The following DPF3 variants were observed in gnomAD, a reference collection of about 807,000 sequenced individuals.
The protein encoded by DPF3 is double PHD fingers 3.
In DPF3, 18 loss-of-function variants were observed where a neutral mutation model predicts 56.8. The observed-to-expected ratio is 0.32, with a 90% CI of 0.22 to 0.47. The LOEUF (loss-of-function observed/expected upper bound fraction) is 0.47. DPF3 is among the 20% of genes least tolerant of loss of function. DPF3 has a pLI of 1.00. For synonymous variants in DPF3, 188 were observed against 180.2 expected (o/e 1.04, Z -0.35); for missense variants, 403 against 488.8 (o/e 0.82, Z 1.65).
intron 1 of DPF3, among the ~76,000 whole-genome samples, chr14:72,802,476 G>A (rs953306937): frequency 6.6e-5 from 10 of 152,174 alleles, no homozygotes; most frequent in Non-Finnish European, 1.5e-4. Flanking sequence ...GCATGCTCTT[G>A]AGAGTCACAT....
In DPF3 at chr14:72,884,682, A is replaced by T. The variant is rs573539327; in HGVS notation, c.32+9375T>A. On this transcript the variant is annotated intron_variant, in intron 1 of 10. Coordinates refer to ENST00000556509, the MANE Select transcript of DPF3 (RefSeq NM_001280542.3). ...CCCACCTCCTGTTGTCAGACATCAC[A>T]TCTCCATCCACCTAGGAAGCCTTCA... Among the ~76,000 whole-genome samples the T allele has an allele frequency of 4.6e-5, 7 of 151,414 alleles. No individual in the cohort carries two copies. The East Asian group carries it at 1.4e-3, about 30-fold the overall frequency.
At chr14:72,810,920 C>A (rs771989986) in intron 1 of DPF3, among the ~76,000 whole-genome samples, 1 of 152,172 alleles carries the variant, frequency 6.6e-6, no homozygotes, top group East Asian at 1.9e-4. Context: ...TAAAGGAATG[C>A]CTAAGACTTG....
At chr14:72,883,745 T>C (rs1007916132) in intron 1 of DPF3, among the ~76,000 whole-genome samples, 3 of 151,920 alleles carry the variant, frequency 2.0e-5, no homozygotes, top group Non-Finnish European at 4.4e-5. Context: ...CTGGCCAACA[T>C]GATAAAACCC....
chr14:72,620,858 T>C (rs1471565947), intron 9 of DPF3, among the ~76,000 whole-genome samples: 1 of 152,222 alleles, frequency 6.6e-6, no homozygotes, highest in Admixed American at 6.5e-5. Context: ...TTTGTTTTCT[T>C]GGCTGGGCGC....
In DPF3 at chr14:72,885,060, A is replaced by G. The variant is rs569748503; in HGVS notation, c.32+8997T>C. ...GGAATGGCGTGAACCCGGGAGGTGG[A>G]GCTTGCAGTGAGCCGAGATCGCGAC... On this transcript the variant is annotated intron_variant, in intron 1 of 10. Transcript: ENST00000556509. Among the ~76,000 whole-genome samples the G allele has an allele frequency of 3.6e-5, 5 of 139,558 alleles. No individual in the cohort carries two copies. In the East Asian group the frequency reaches 1.1e-3, roughly 31 times the overall value. 91.6% of individuals were successfully genotyped at this position (139,558 alleles called of 152,430 possible). A position where few individuals can be genotyped will look rare whatever the true frequency, so the allele number is the denominator to read the frequency against.
intron 1 of DPF3, among the ~76,000 whole-genome samples, chr14:72,790,595 T>C (rs2139981373): frequency 6.6e-6 from 1 of 152,302 alleles, no homozygotes; most frequent in East Asian, 1.9e-4. Flanking sequence ...TCTTTATCAT[T>C]CTCATGTTAC....
chr14:72,802,480 G>A (rs1476522154), intron 1 of DPF3, among the ~76,000 whole-genome samples: 1 of 152,156 alleles, frequency 6.6e-6, no homozygotes, highest in Non-Finnish European at 1.5e-5. Context: ...GCTCTTGAGA[G>A]TCACATAGAT....
chr14:72,629,711 G>C lies in DPF3; in HGVS notation c.897C>G (p.Thr299=). 1.3e-6 allele frequency: 2 copies of C among 1,536,072 alleles called. No individual in the cohort carries two copies. The highest frequency in any genetic ancestry group is 1.7e-6 in the Non-Finnish European group (2 of 1,146,874). Reference sequence around the variant, plus strand: ...TCTTGACAGCCTCGGTCATGTTCAGGGTAAACTGCAGGCAGGTTGGGTGAC... The same window carrying C: ...TCTTGACAGCCTCGGTCATGTTCAGCGTAAACTGCAGGCAGGTTGGGTGAC... ...RSGHPTCLQF[T]LNMTEAVKTY... The change falls in exon 9 of 11, where the codon ACC becomes ACG. Residue 299 remains threonine, a synonymous_variant. Transcript: ENST00000556509.
At chr14:72,756,963 G>A (rs1567223135) in intron 2 of DPF3, among the ~76,000 whole-genome samples, 52 of 126,906 alleles carry the variant, frequency 4.1e-4, no homozygotes, top group South Asian at 3.9e-3. Flanking sequence ...GAGGGAAAGA[G>A]GGGGAGAGAG....
At position 72,648,415 on chromosome 14, in the gene DPF3, G is replaced by T. The variant is rs572360135; in HGVS notation, c.872-18679C>A. 1.6e-3 allele frequency among the ~76,000 whole-genome samples: 237 copies of T among 151,990 alleles called. 3 individuals are homozygous for T. Among genetic ancestry groups the T allele is most frequent in the Non-Finnish European group, 9.1e-4 (62 of 67,942 alleles). On this transcript the variant is annotated intron_variant, in intron 8 of 10. Coordinates refer to ENST00000556509, the MANE Select transcript of DPF3 (RefSeq NM_001280542.3). ...CATCTCCACTAAAAATACAAAATTA[G>T]CCAGGTGTGGTTGTGCATGCCTGTA...
chr14:72,678,239 TG>T (rs1887001104), intron 7 of DPF3, among the ~76,000 whole-genome samples: 1 of 152,200 alleles, frequency 6.6e-6, no homozygotes. Flanking sequence ...CTCTGCCTCC[TG>T]GGAAGTCCAG....
intron 8 of DPF3, among the ~76,000 whole-genome samples, chr14:72,667,980 C>A (rs1033876279): frequency 6.6e-6 from 1 of 152,180 alleles, no homozygotes; most frequent in Admixed American, 6.5e-5. Context: ...AACCTTATTA[C>A]TAACCTCAGT....
intron 8 of DPF3, among the ~76,000 whole-genome samples, chr14:72,635,693 T>C (rs546298556): frequency 1.3e-5 from 2 of 152,338 alleles, no homozygotes; most frequent in African/African-American, 4.8e-5. Flanking sequence ...TTCAGTACAT[T>C]GAGAGAAACA....
intron 6 of DPF3, among the ~76,000 whole-genome samples, chr14:72,700,253 C>T (rs987064704): frequency 1.3e-5 from 2 of 152,196 alleles, no homozygotes; most frequent in African/African-American, 4.8e-5. Flanking sequence ...GGGCCAGCTT[C>T]GTGAGCCTGT....
rs1175732911 is a variant in DPF3, at chr14:72,611,816, A to C, written c.*7481T>G. On this transcript the variant is annotated 3_prime_UTR_variant, in exon 11 of 11. Transcript: ENST00000556509. ...CGACCCCTCAGCCTCCACAGGGTAG[A>C]AATCACTGGATGCCTCCACCTGCTT... Among the ~76,000 whole-genome samples the C allele has an allele frequency of 6.6e-6, 1 of 152,116 alleles. No homozygotes were observed. Among genetic ancestry groups the C allele is most frequent in the Non-Finnish European group, 1.5e-5 (1 of 68,026 alleles).
chr14:72,812,669 G>C (rs1363887704), intron 1 of DPF3, among the ~76,000 whole-genome samples: 1 of 152,124 alleles, frequency 6.6e-6, no homozygotes, highest in East Asian at 1.9e-4. Flanking sequence ...AGGCTTTGTA[G>C]CTAGGCCTGG....
At chr14:72,825,895 A>T (rs1883779659) in intron 1 of DPF3, among the ~76,000 whole-genome samples, 1 of 152,196 alleles carries the variant, frequency 6.6e-6, no homozygotes, top group African/African-American at 2.4e-5. Flanking sequence ...AGGTGGGAGG[A>T]TTAACTGAAG....
intron 6 of DPF3, among the ~76,000 whole-genome samples, chr14:72,705,071 C>T (rs1888347732): frequency 6.6e-6 from 1 of 152,174 alleles, no homozygotes; most frequent in Non-Finnish European, 1.5e-5. Flanking sequence ...TCCCCAACCC[C>T]CCGGGCTATA....
At chr14:72,689,027 T>C (rs2526941) in intron 7 of DPF3, among the ~76,000 whole-genome samples, 27,359 of 151,114 alleles carry the variant, frequency 0.18, 5,972 homozygotes, top group African/African-American at 0.53. Flanking sequence ...AACAAAGGCG[T>C]GAGAGCATCA....
Sources: gnomAD v4.1 joint callset for allele counts (sites outside exome capture counted in the v4.1 genomes callset) on GRCh38, gnomAD v4.1.1 for gene constraint, MANE v1.5 for transcripts, NCBI Gene and HGNC (gene_info 2026-07-23, HGNC 2026-07-21) for gene names.